The following PCDHGA10 variants were observed in gnomAD, a reference collection of about 807,000 sequenced individuals.
PCDHGA10 encodes the protein protocadherin gamma-A10.
A neutral mutation model predicts 59.5 loss-of-function variants in PCDHGA10; 42 were observed. The observed-to-expected ratio is 0.71, with a 90% confidence interval of 0.55 to 0.91. The LOEUF is 0.91. PCDHGA10 is among the 40% of genes least tolerant of loss of function. The pLI, the probability that PCDHGA10 is intolerant of heterozygous loss-of-function variation, is 0.00. For missense variants in PCDHGA10, 1,111 were observed against 1,198.2 expected, an observed-to-expected ratio of 0.93 and a Z score of 1.07; for synonymous variants, 511 against 517.2, an observed-to-expected ratio of 0.99 and a Z score of 0.16.
chr5:141,491,956 A>G lies in PCDHGA10; in HGVS notation c.2437-2851A>G, dbSNP rs2099735623. 1.9e-6 allele frequency: 2 copies of G among 1,035,704 alleles called. No homozygotes were observed. Among genetic ancestry groups the G allele is most frequent in the Non-Finnish European group, 2.7e-6 (2 of 749,368 alleles). The allele number at this position is 1,035,704 out of a possible 1,614,324, so 64.2% of individuals were successfully genotyped here. A position where few individuals can be genotyped will look rare whatever the true frequency, so the allele number is the denominator to read the frequency against. On this transcript the variant is annotated intron_variant, in intron 1 of 3. Transcript: ENST00000398610. This position sits in a 1 kb window ranked among gnomAD's most constrained non-coding sequence, Gnocchi z 6.9. Reference sequence around the variant, plus strand: ...GGACCGACCCCCACCCCTACACTCAAAAAAGGCCGGGGCCTCCTTCGAGCT... The same window carrying G: ...GGACCGACCCCCACCCCTACACTCAGAAAAGGCCGGGGCCTCCTTCGAGCT...
chr5:141,452,494 T>C (rs1186924396), intron 1 of PCDHGA10, among the ~76,000 whole-genome samples: 2 of 152,192 alleles, frequency 1.3e-5, no homozygotes, highest in African/African-American at 4.8e-5. Flanking sequence ...CACACCCATA[T>C]TTATATTTGT....
intron 1 of PCDHGA10, among the ~76,000 whole-genome samples, chr5:141,492,798 C>T (rs1219815576): frequency 6.6e-6 from 1 of 152,250 alleles, no homozygotes; most frequent in Non-Finnish European, 1.5e-5. Flanking sequence ...GACAGCAGGA[C>T]TGGGACTCCA....
chr5:141,491,898 G>A lies in PCDHGA10; in HGVS notation c.2437-2909G>A, dbSNP rs772673872. 1.6e-5 allele frequency: 23 copies of A among 1,428,816 alleles called. No homozygotes were observed. The highest frequency in any genetic ancestry group is 3.0e-5 in the South Asian group (2 of 66,966). The allele number at this position is 1,428,816 out of a possible 1,614,324, so 88.5% of individuals were successfully genotyped here. A position where few individuals can be genotyped will look rare whatever the true frequency, so the allele number is the denominator to read the frequency against. ...ATTAAGGGATGGGGCTCCGAGCACC[G>A]GGGGTGGTGGCGACTGTGGGCGAGG... On this transcript the variant is annotated intron_variant, in intron 1 of 3. Coordinates refer to ENST00000398610, the MANE Select transcript of PCDHGA10 (RefSeq NM_018913.3). This position sits in a 1 kb window ranked among gnomAD's most constrained non-coding sequence, Gnocchi z 6.9.
At chr5:141,495,286 A>T (rs1341490472) in intron 2 of PCDHGA10, among the ~76,000 whole-genome samples, 2 of 152,088 alleles carry the variant, frequency 1.3e-5, no homozygotes, top group Non-Finnish European at 2.9e-5. Context: ...GGCGGTCCGC[A>T]CTCAGCGCCT....
At chr5:141,439,496 G>A (rs1166315364) in intron 1 of PCDHGA10, among the ~76,000 whole-genome samples, 2 of 152,152 alleles carry the variant, frequency 1.3e-5, no homozygotes, top group Non-Finnish European at 2.9e-5. Context: ...AGTGAGAAAC[G>A]TCTTTCTCTC....
chr5:141,464,898 C>T (rs969877255), intron 1 of PCDHGA10, among the ~76,000 whole-genome samples: 4 of 151,958 alleles, frequency 2.6e-5, no homozygotes, highest in African/African-American at 4.8e-5. Flanking sequence ...GCCACCATGT[C>T]CAGCTAATTT....
intron 1 of PCDHGA10, among the ~76,000 whole-genome samples, chr5:141,472,980 C>CAAAAAAAAAAAAAAAAA (rs60579131): frequency 5.8e-5 from 5 of 86,060 alleles, no homozygotes; most frequent in African/African-American, 3.9e-5. Context: ...GAGTGAAACT[C>CAAAAAAAAAAAAAAAAA]AAAAAAAAAA....
chr5:141,422,355 T>A, intron 1 of PCDHGA10: 1 of 1,557,416 alleles, frequency 6.4e-7, no homozygotes, highest in Non-Finnish European at 8.6e-7. Flanking sequence ...AAGATCAAGA[T>A]TCTGGAGAAA....
Position 141,476,708 on chromosome 5 carries a change from T to C in PCDHGA10, c.2437-18099T>C, listed in dbSNP as rs1205987380. The C allele has an allele frequency of 1.2e-6, 2 of 1,614,150 alleles. No homozygotes were observed. The highest frequency in any genetic ancestry group is 8.5e-7 in the Non-Finnish European group (1 of 1,180,024). ...CAGCACCAAGTACGCGGAGCTGGTG[T>C]TGGAGCGCGCCCTGGACCGAGAACG... On this transcript the variant is annotated intron_variant, in intron 1 of 3. Coordinates refer to ENST00000398610, the MANE Select transcript of PCDHGA10 (RefSeq NM_018913.3). The surrounding 1 kb of genome is among the most constrained non-coding windows in gnomAD (Gnocchi z 7.6).
At chr5:141,509,758 C>T (rs574741134) in intron 3 of PCDHGA10, among the ~76,000 whole-genome samples, 17 of 152,202 alleles carry the variant, frequency 1.1e-4, no homozygotes. Flanking sequence ...CTAAAGTGTC[C>T]CTGAGATGTC....
intron 1 of PCDHGA10, among the ~76,000 whole-genome samples, chr5:141,447,895 G>A (rs931589569): frequency 1.3e-5 from 2 of 152,068 alleles, no homozygotes; most frequent in Non-Finnish European, 2.9e-5. Context: ...AGACCAGCCT[G>A]GCCAACATGG....
chr5:141,476,091 G>A lies in PCDHGA10; in HGVS notation c.2437-18716G>A. The A allele has an allele frequency of 2.6e-6, 4 of 1,563,192 alleles. No individual in the cohort carries two copies. The highest frequency in any genetic ancestry group is 3.5e-6 in the Non-Finnish European group (4 of 1,159,278). On this transcript the variant is annotated intron_variant, in intron 1 of 3. Transcript: ENST00000398610. The surrounding 1 kb of genome is among the most constrained non-coding windows in gnomAD (Gnocchi z 7.6). ...AAATCTCAGGGACGATCTGGACCCCGCTGAGAGGAACTGCTTTTGAGTGAG... is the reference window on the plus strand; with the variant it reads ...AAATCTCAGGGACGATCTGGACCCCACTGAGAGGAACTGCTTTTGAGTGAG...
chr5:141,413,199 A>T lies in PCDHGA10; in HGVS notation c.24A>T (p.Ser8=). 1 of 1,611,930 alleles carries T rather than the reference A, an allele frequency of 6.2e-7. No homozygotes were observed. Among genetic ancestry groups the T allele is most frequent in the Non-Finnish European group, 8.5e-7 (1 of 1,178,780 alleles). Residue 8 remains serine, a synonymous_variant, in exon 1 of 4, where the codon TCA becomes TCT. Coordinates refer to ENST00000398610, the MANE Select transcript of PCDHGA10 (RefSeq NM_018913.3). ...CAATGGCCGCTCAAAGGAATCGCTC[A>T]AAGGAATCAAAGGATTGCAGCGGGC... MAAQRNR[S]KESKDCSGLV...
At position 141,487,610 on chromosome 5, in the gene PCDHGA10, C is replaced by A; in HGVS notation, c.2437-7197C>A. On this transcript the variant is annotated intron_variant, in intron 1 of 3. Transcript: ENST00000398610. The surrounding 1 kb of genome is among the most constrained non-coding windows in gnomAD (Gnocchi z 5.0). ...CCCACCCTCTGATCTTCTCTATGGG[C>A]TAGAGGTGAGACCTTTGCAGGCTCA... The A allele has an allele frequency of 6.2e-7, 1 of 1,614,190 alleles. No homozygotes were observed. The highest frequency in any genetic ancestry group is 1.1e-5 in the South Asian group (1 of 91,078).
chr5:141,417,760 C>A, intron 1 of PCDHGA10: 1 of 1,438,808 alleles, frequency 7.0e-7, no homozygotes, highest in South Asian at 1.5e-5. Context: ...GCTCCGAGAC[C>A]CGGGACTCCT....
At position 141,430,917 on chromosome 5, in the gene PCDHGA10, G is replaced by A. The variant is rs2097324810; in HGVS notation, c.2436+15306G>A. ...GTGGGCGACATCTCCAGGGACCTGG[G>A]GCTGGAGCCCCGGGAGCTCGCGGAG... On this transcript the variant is annotated intron_variant, in intron 1 of 3. Coordinates refer to ENST00000398610, the MANE Select transcript of PCDHGA10 (RefSeq NM_018913.3). The A allele has an allele frequency of 1.9e-6, 3 of 1,607,956 alleles. No individual in the cohort carries two copies. The highest frequency in any genetic ancestry group is 2.5e-6 in the Non-Finnish European group (3 of 1,177,520).
chr5:141,426,275 G>A (rs531044481), intron 1 of PCDHGA10: 2 of 164,168 alleles, frequency 1.2e-5, no homozygotes, highest in East Asian at 1.6e-4. Context: ...CTGCAGCAAC[G>A]CATGGGAAGG....
Position 141,432,602 on chromosome 5 carries a change from G to A in PCDHGA10, c.2436+16991G>A. The A allele has an allele frequency of 6.2e-7, 1 of 1,613,966 alleles. No homozygotes were observed. Among genetic ancestry groups the A allele is most frequent in the Non-Finnish European group, 8.5e-7 (1 of 1,179,972 alleles). On this transcript the variant is annotated intron_variant, in intron 1 of 3. Transcript: ENST00000398610. This position sits in a 1 kb window ranked among gnomAD's most constrained non-coding sequence, Gnocchi z 6.0. ...CCGTCTGCTCAAGGCCAGCGAGCCG[G>A]GACTCTTCTCGGTGGGTCTGCACAC...
At chr5:141,460,650 T>C (rs1264813071) in intron 1 of PCDHGA10, among the ~76,000 whole-genome samples, 2 of 152,094 alleles carry the variant, frequency 1.3e-5, no homozygotes, top group East Asian at 3.9e-4. Flanking sequence ...TGTTTACACA[T>C]ATGTAACTGT....
Sources: allele counts gnomAD v4.1 joint callset (sites outside exome capture counted in the v4.1 genomes callset), GRCh38; gene constraint gnomAD v4.1.1; non-coding constraint Gnocchi (gnomAD v3.1); transcripts MANE v1.5; gene names NCBI Gene and HGNC (gene_info 2026-07-23, HGNC 2026-07-21).